Variants in ADCY2 observed in about 807,000 individuals in gnomAD.
ADCY2 encodes the protein adenylate cyclase type 2.
Under a neutral mutation model 125.2 loss-of-function variants are expected in ADCY2, and 31 were observed. The ratio of observed to expected loss-of-function variants is 0.25; its 90% CI spans 0.19 to 0.33. The LOEUF is 0.33. Ranked by LOEUF, ADCY2 falls within the 10% of genes least tolerant of loss-of-function variation. ADCY2 has a pLI of 1.00. For synonymous variants in ADCY2, 512 were observed against 548.4 expected (o/e 0.93, Z 0.93); for missense variants, 904 against 1,418.2 (o/e 0.64, Z 5.82).
chr5:7,436,630 T>A (rs1554008688), intron 2 of ADCY2, among the ~76,000 whole-genome samples: 2 of 152,218 alleles, frequency 1.3e-5, no homozygotes, highest in Non-Finnish European at 2.9e-5. Flanking sequence ...TGATAAATCA[T>A]CCCTGGATGT....
chr5:7,596,803 G>C (rs894429581), intron 3 of ADCY2, among the ~76,000 whole-genome samples: 1 of 152,198 alleles, frequency 6.6e-6, no homozygotes, highest in African/African-American at 2.4e-5. Flanking sequence ...CATGGAATTA[G>C]ATGCCACAGA....
intron 15 of ADCY2, among the ~76,000 whole-genome samples, chr5:7,755,736 T>A (rs968037681): frequency 6.6e-6 from 1 of 152,196 alleles, no homozygotes; most frequent in African/African-American, 2.4e-5. Context: ...GGCTGATTCT[T>A]TAACCTTCTC....
chr5:7,575,275 A>G (rs1736211224), intron 3 of ADCY2, among the ~76,000 whole-genome samples: 2 of 152,296 alleles, frequency 1.3e-5, no homozygotes, highest in African/African-American at 2.4e-5. Context: ...GAGTGGTGAC[A>G]TTATTGGTGA....
At chr5:7,584,659 G>A (rs1736563187) in intron 3 of ADCY2, among the ~76,000 whole-genome samples, 1 of 152,028 alleles carries the variant, frequency 6.6e-6, no homozygotes, top group African/African-American at 2.4e-5. Context: ...AAATTATGGT[G>A]GGTCACCACC....
chr5:7,658,212 C>G (rs1226451933), intron 4 of ADCY2: 1 of 152,192 alleles, frequency 6.6e-6, no homozygotes, highest in East Asian at 1.9e-4. Context: ...GGAGAATATC[C>G]CTACCTTTCC....
chr5:7,418,346 G>A (rs1235506305), intron 2 of ADCY2, among the ~76,000 whole-genome samples: 4 of 152,220 alleles, frequency 2.6e-5, no homozygotes, highest in South Asian at 2.1e-4. Context: ...TCAACCTGCC[G>A]CCTGGGGATG....
At chr5:7,514,581 A>C (rs997446643) in intron 2 of ADCY2, among the ~76,000 whole-genome samples, 1 of 152,162 alleles carries the variant, frequency 6.6e-6, no homozygotes, top group Non-Finnish European at 1.5e-5. Context: ...TGAAGTCCTA[A>C]TCCGCAGTAC....
intron 3 of ADCY2, among the ~76,000 whole-genome samples, chr5:7,534,907 C>T (rs1169198193): frequency 6.6e-6 from 1 of 152,124 alleles, no homozygotes; most frequent in African/African-American, 2.4e-5. Flanking sequence ...TCTACAGGAC[C>T]CCTCGTATCA....
At chr5:7,753,586 A>G (rs533640769) in intron 15 of ADCY2, among the ~76,000 whole-genome samples, 17 of 152,342 alleles carry the variant, frequency 1.1e-4, no homozygotes, top group African/African-American at 3.4e-4. Flanking sequence ...AGAGCCTTTA[A>G]TACTTAATCA....
intron 24 of ADCY2, among the ~76,000 whole-genome samples, chr5:7,822,888 A>G (rs1241837891): frequency 1.3e-5 from 2 of 152,240 alleles, no homozygotes; most frequent in African/African-American, 2.4e-5. Flanking sequence ...TAGATTTATC[A>G]TGGTGGTCCT....
intron 2 of ADCY2, among the ~76,000 whole-genome samples, chr5:7,488,571 A>G (rs534262886): frequency 1.3e-5 from 2 of 151,512 alleles, no homozygotes; most frequent in East Asian, 3.9e-4. Flanking sequence ...TAAATTTTTA[A>G]CCCTCCTGTA....
chr5:7,701,669 C>T (rs1034480567), intron 7 of ADCY2, among the ~76,000 whole-genome samples: 1 of 152,168 alleles, frequency 6.6e-6, no homozygotes, highest in Admixed American at 6.5e-5. Flanking sequence ...TTCCCCAGCT[C>T]CTGGCCATCT....
At chr5:7,491,922 T>C (rs1743178343) in intron 2 of ADCY2, among the ~76,000 whole-genome samples, 1 of 152,254 alleles carries the variant, frequency 6.6e-6, no homozygotes, top group African/African-American at 2.4e-5. Context: ...ATTTATTAAA[T>C]TTTAAAAAGA....
At chr5:7,542,166 C>A (rs1735017615) in intron 3 of ADCY2, among the ~76,000 whole-genome samples, 1 of 151,976 alleles carries the variant, frequency 6.6e-6, no homozygotes, top group Admixed American at 6.6e-5. Context: ...GCTGCAGAGT[C>A]CCCCCCATCA....
intron 19 of ADCY2, among the ~76,000 whole-genome samples, chr5:7,787,181 G>T (rs993359083): frequency 1.1e-4 from 17 of 152,160 alleles, no homozygotes; most frequent in African/African-American, 3.9e-4. Flanking sequence ...GGAAGCCTGC[G>T]TGTCTCTCCC....
At chr5:7,634,616 A>G (rs377574813) in intron 4 of ADCY2, among the ~76,000 whole-genome samples, 11 of 152,300 alleles carry the variant, frequency 7.2e-5, no homozygotes, top group East Asian at 1.9e-4. Flanking sequence ...TTCAAATTGC[A>G]TAGTATTTTT....
chr5:7,543,073 C>T (rs1298525536), intron 3 of ADCY2, among the ~76,000 whole-genome samples: 2 of 152,126 alleles, frequency 1.3e-5, no homozygotes, highest in African/African-American at 2.4e-5. Flanking sequence ...GAATATTGTG[C>T]TATCATTAAT....
intron 15 of ADCY2, among the ~76,000 whole-genome samples, chr5:7,756,270 C>T (rs1579396202): frequency 6.6e-6 from 1 of 152,178 alleles, no homozygotes; most frequent in South Asian, 2.1e-4. Context: ...GGAAAGGTGG[C>T]CCTCAAGATG....
At chr5:7,573,704 G>C (rs1185212219) in intron 3 of ADCY2, among the ~76,000 whole-genome samples, 1 of 149,910 alleles carries the variant, frequency 6.7e-6, no homozygotes, top group Non-Finnish European at 1.5e-5. Context: ...GGTAGCAAGA[G>C]TTAGATTGTG....
Sources: gnomAD v4.1 joint callset for allele counts (sites outside exome capture counted in the v4.1 genomes callset) on GRCh38, gnomAD v4.1.1 for gene constraint, MANE v1.5 for transcripts, NCBI Gene and HGNC (gene_info 2026-07-23, HGNC 2026-07-21) for gene names.